The following OPCML variants were observed in gnomAD, a reference collection of about 807,000 sequenced individuals.
OPCML encodes the protein opioid binding protein/cell adhesion molecule like.
OPCML carries 13 observed loss-of-function variants against 37.8 expected under a neutral mutation model. The ratio of observed to expected loss-of-function variants is 0.34; its 90% CI spans 0.22 to 0.55. The LOEUF (loss-of-function observed/expected upper bound fraction) is 0.55. OPCML is among the 20% of genes least tolerant of loss of function. The pLI is 0.91. For missense variants in OPCML, 341 were observed against 435.6 expected, an observed-to-expected ratio of 0.78 and a Z score of 1.93; for synonymous variants, 176 against 168.8, an observed-to-expected ratio of 1.04 and a Z score of -0.33.
chr11:133,471,534 G>T (rs12273543), intron 1 of OPCML, among the ~76,000 whole-genome samples: 3 of 151,976 alleles, frequency 2.0e-5, no homozygotes, highest in African/African-American at 7.3e-5. Flanking sequence ...GAGGGGAACT[G>T]GTTGGCTGGG....
intron 2 of OPCML, among the ~76,000 whole-genome samples, chr11:132,688,937 A>C (rs1198959217): frequency 6.9e-5 from 2 of 28,824 alleles, no homozygotes; most frequent in Non-Finnish European, 1.3e-4. Flanking sequence ...GGCCTGGGCG[A>C]CAGAGCGAGA....
At chr11:132,921,799 G>A (rs577584641) in intron 2 of OPCML, among the ~76,000 whole-genome samples, 1 of 152,326 alleles carries the variant, frequency 6.6e-6, no homozygotes, top group African/African-American at 2.4e-5. Flanking sequence ...GCTGATGTCA[G>A]CACTTTAGCT....
At chr11:132,554,809 A>G (rs1335629952) in intron 3 of OPCML, among the ~76,000 whole-genome samples, 1 of 151,722 alleles carries the variant, frequency 6.6e-6, no homozygotes, top group Non-Finnish European at 1.5e-5. Flanking sequence ...CTTTCATTGC[A>G]AATAGCATCC....
intron 4 of OPCML, among the ~76,000 whole-genome samples, chr11:132,442,593 G>C (rs879538877): frequency 5.3e-5 from 8 of 152,186 alleles, no homozygotes; most frequent in Admixed American, 1.3e-4. Context: ...GTGAAGATAG[G>C]GTTTGGCAGT....
At chr11:133,075,350 T>C (rs1038945502) in intron 1 of OPCML, among the ~76,000 whole-genome samples, 3 of 152,216 alleles carry the variant, frequency 2.0e-5, no homozygotes, top group African/African-American at 7.2e-5. Flanking sequence ...GTGCTGGGTC[T>C]CAGAGGCTTC....
At chr11:133,196,776 T>G (rs1314598071) in intron 1 of OPCML, among the ~76,000 whole-genome samples, 1 of 152,186 alleles carries the variant, frequency 6.6e-6, no homozygotes, top group Non-Finnish European at 1.5e-5. Flanking sequence ...ATTGCCCAGT[T>G]GCACTGTGGT....
chr11:133,198,737 G>T (rs769595273), intron 1 of OPCML, among the ~76,000 whole-genome samples: 8 of 152,222 alleles, frequency 5.3e-5, no homozygotes, highest in Non-Finnish European at 8.8e-5. Context: ...CAGCTACTGG[G>T]AGCAACAGGA....
intron 2 of OPCML, among the ~76,000 whole-genome samples, chr11:132,904,893 T>C (rs1944182272): frequency 2.0e-5 from 3 of 152,204 alleles, no homozygotes; most frequent in Admixed American, 6.5e-5. Flanking sequence ...GACCTAAAAC[T>C]AAGACTGAGC....
chr11:133,070,874 C>G (rs755049400), intron 1 of OPCML, among the ~76,000 whole-genome samples: 4 of 152,142 alleles, frequency 2.6e-5, no homozygotes, highest in Non-Finnish European at 5.9e-5. Context: ...CAGGAGAGTT[C>G]ATACCCTGAG....
At chr11:132,721,412 G>T (rs539538093) in intron 2 of OPCML, among the ~76,000 whole-genome samples, 1 of 152,148 alleles carries the variant, frequency 6.6e-6, no homozygotes, top group Non-Finnish European at 1.5e-5. Context: ...CGGAGGAACA[G>T]CCTGGTAAGG....
chr11:133,443,001 T>C lies in OPCML; in HGVS notation c.61+89263A>G, dbSNP rs553664103. On this transcript the variant is annotated intron_variant, in intron 1 of 7. Coordinates refer to ENST00000524381, the MANE Select transcript of OPCML (RefSeq NM_001012393.5). ...TCTTTGAATCTTTTTCAAGAAGATA[T>C]TCATGTAATATTTGTGAAATGAAAA... 5.3e-5 allele frequency among the ~76,000 whole-genome samples: 8 copies of C among 152,282 alleles called. No homozygotes were observed. In the South Asian group the frequency reaches 1.5e-3, roughly 28 times the overall value.
At chr11:133,109,243 A>G (rs1257038929) in intron 1 of OPCML, among the ~76,000 whole-genome samples, 9 of 152,100 alleles carry the variant, frequency 5.9e-5, no homozygotes. Flanking sequence ...TACAGCTCTT[A>G]AATATGGCAC....
chr11:132,595,213 A>T (rs2096490615), intron 3 of OPCML, among the ~76,000 whole-genome samples: 1 of 151,974 alleles, frequency 6.6e-6, no homozygotes. Flanking sequence ...GAGGTCGGGG[A>T]GGTAGGGAAA....
chr11:132,713,328 T>C (rs1212174767), intron 2 of OPCML, among the ~76,000 whole-genome samples: 2 of 152,174 alleles, frequency 1.3e-5, no homozygotes, highest in Non-Finnish European at 2.9e-5. Flanking sequence ...TCCAATTACC[T>C]TTCCTGATTT....
intron 1 of OPCML, among the ~76,000 whole-genome samples, chr11:133,101,303 T>C (rs965447269): frequency 6.6e-6 from 1 of 152,136 alleles, no homozygotes. Flanking sequence ...TGCATTAAAA[T>C]TAAAAACTTA....
intron 1 of OPCML, among the ~76,000 whole-genome samples, chr11:133,433,741 C>T (rs1946174988): frequency 1.3e-5 from 2 of 152,150 alleles, no homozygotes; most frequent in Admixed American, 1.3e-4. Flanking sequence ...TCTCCTTCTG[C>T]AAGGCACATC....
intron 1 of OPCML, among the ~76,000 whole-genome samples, chr11:133,449,776 G>A (rs765573487): frequency 6.6e-6 from 1 of 151,626 alleles, no homozygotes; most frequent in Non-Finnish European, 1.5e-5. Flanking sequence ...TTAATTACAT[G>A]TGCAGAGTCG....
At chr11:132,645,705 A>G (rs1431910550) in intron 3 of OPCML, among the ~76,000 whole-genome samples, 1 of 152,256 alleles carries the variant, frequency 6.6e-6, no homozygotes, top group African/African-American at 2.4e-5. Context: ...TAGCAACTCT[A>G]AAATTGTGCA....
At chr11:132,511,846 A>G (rs1339333864) in intron 4 of OPCML, among the ~76,000 whole-genome samples, 1 of 144,276 alleles carries the variant, frequency 6.9e-6, no homozygotes, top group Non-Finnish European at 1.6e-5. Flanking sequence ...ATTAAGTGTG[A>G]AATATTGATA....
Sources: allele counts gnomAD v4.1 joint callset (sites outside exome capture counted in the v4.1 genomes callset), GRCh38; gene constraint gnomAD v4.1.1; transcripts MANE v1.5; gene names NCBI Gene and HGNC (gene_info 2026-07-23, HGNC 2026-07-21).